The following NXPH1 variants were observed in gnomAD, a reference collection of about 807,000 sequenced individuals.
NXPH1 encodes neurexophilin 1, also known as neurexophilin-1.
Under a neutral mutation model 23.7 loss-of-function variants are expected in NXPH1, and 5 were observed. That is an observed-to-expected ratio of 0.21 (90% CI 0.11 to 0.44). NXPH1 has a LOEUF of 0.44. Among genes scored for constraint, NXPH1 ranks in the 20% least tolerant of loss-of-function variants. NXPH1 has a pLI of 0.99. For missense variants in NXPH1, 324 were observed against 321.6 expected (o/e 1.01, Z -0.06); for synonymous variants, 144 against 122.2 (o/e 1.18, Z -1.18).
intron 2 of NXPH1, among the ~76,000 whole-genome samples, chr7:8,467,957 C>A (rs1048318242): frequency 6.6e-6 from 1 of 151,956 alleles, no homozygotes; most frequent in South Asian, 2.1e-4. Context: ...TGTAGGAATG[C>A]CTGTAATTTG....
intron 2 of NXPH1, among the ~76,000 whole-genome samples, chr7:8,628,330 T>C (rs909527007): frequency 7.3e-5 from 11 of 151,440 alleles, no homozygotes; most frequent in African/African-American, 2.7e-4. Flanking sequence ...TCTTTCTGAT[T>C]CAGCCAAGTA....
intron 2 of NXPH1, among the ~76,000 whole-genome samples, chr7:8,570,524 A>G (rs1329529941): frequency 1.3e-5 from 2 of 152,032 alleles, no homozygotes; most frequent in East Asian, 3.9e-4. Flanking sequence ...GTAGAAAGTG[A>G]TGTGCGAAGG....
At chr7:8,699,898 A>C (rs1229647298) in intron 2 of NXPH1, among the ~76,000 whole-genome samples, 1 of 152,144 alleles carries the variant, frequency 6.6e-6, no homozygotes, top group Non-Finnish European at 1.5e-5. Flanking sequence ...AGATCCACTT[A>C]CTATGTGGAA....
intron 2 of NXPH1, among the ~76,000 whole-genome samples, chr7:8,715,581 G>T (rs192058047): frequency 6.6e-6 from 1 of 152,194 alleles, no homozygotes; most frequent in East Asian, 1.9e-4. Flanking sequence ...GCTATAATCA[G>T]TTATAAAAAG....
chr7:8,695,596 T>C (rs970168853), intron 2 of NXPH1, among the ~76,000 whole-genome samples: 5 of 152,214 alleles, frequency 3.3e-5, no homozygotes, highest in Non-Finnish European at 7.3e-5. Flanking sequence ...TAAGTAGATA[T>C]GAACCATTTC....
chr7:8,465,345 C>G (rs963712207), intron 2 of NXPH1, among the ~76,000 whole-genome samples: 1 of 152,164 alleles, frequency 6.6e-6, no homozygotes, highest in Non-Finnish European at 1.5e-5. Context: ...TCTACTCGCT[C>G]CTCTATGCTC....
chr7:8,528,732 TTA>T (rs1385412660), intron 2 of NXPH1, among the ~76,000 whole-genome samples: 8 of 152,168 alleles, frequency 5.3e-5, no homozygotes, highest in Admixed American at 5.2e-4. Context: ...ATTTTAAGTT[TTA>T]TATTAAAGTT....
At chr7:8,749,925 G>T (rs1360805420) in intron 2 of NXPH1, among the ~76,000 whole-genome samples, 1 of 152,080 alleles carries the variant, frequency 6.6e-6, no homozygotes, top group Non-Finnish European at 1.5e-5. Context: ...GTGGCCACTG[G>T]TTCTTCTGTA....
At chr7:8,715,268 G>T (rs183904714) in intron 2 of NXPH1, among the ~76,000 whole-genome samples, 8 of 152,200 alleles carry the variant, frequency 5.3e-5, no homozygotes, top group African/African-American at 1.9e-4. Context: ...AGGTGCCCAG[G>T]TTCTCTCTCC....
At chr7:8,701,274 T>C (rs1009528352) in intron 2 of NXPH1, among the ~76,000 whole-genome samples, 28 of 152,064 alleles carry the variant, frequency 1.8e-4, no homozygotes, top group Non-Finnish European at 3.4e-4. Context: ...AATTAGATCA[T>C]TTTTCTCCCA....
intron 2 of NXPH1, among the ~76,000 whole-genome samples, chr7:8,705,777 T>C (rs1471007113): frequency 6.6e-6 from 1 of 152,132 alleles, no homozygotes; most frequent in Non-Finnish European, 1.5e-5. Context: ...AGATCATCAG[T>C]GTATCTTTAA....
intron 2 of NXPH1, among the ~76,000 whole-genome samples, chr7:8,747,825 TGTTA>T (rs369276411): frequency 4.6e-5 from 7 of 152,240 alleles, no homozygotes; most frequent in African/African-American, 1.7e-4. Flanking sequence ...TACTGATTAA[TGTTA>T]GTTTTAAATT....
chr7:8,672,232 A>C (rs1210677023), intron 2 of NXPH1, among the ~76,000 whole-genome samples: 2 of 152,162 alleles, frequency 1.3e-5, no homozygotes, highest in African/African-American at 4.8e-5. Flanking sequence ...CAAGGACAAA[A>C]AACCAAACAC....
chr7:8,557,143 C>T (rs1185302296), intron 2 of NXPH1, among the ~76,000 whole-genome samples: 1 of 151,770 alleles, frequency 6.6e-6, no homozygotes, highest in East Asian at 2.0e-4. Flanking sequence ...GGTTTAGAAC[C>T]TGTGTTTGGG....
At chr7:8,651,009 A>G (rs1342855270) in intron 2 of NXPH1, among the ~76,000 whole-genome samples, 1 of 151,446 alleles carries the variant, frequency 6.6e-6, no homozygotes, top group Non-Finnish European at 1.5e-5. Context: ...TTTAGGGTAC[A>G]TGTGCACAAT....
chr7:8,604,948 C>A (rs1215881747), intron 2 of NXPH1, among the ~76,000 whole-genome samples: 1 of 152,060 alleles, frequency 6.6e-6, no homozygotes, highest in African/African-American at 2.4e-5. Context: ...TAGTAACATG[C>A]TTGCCATTTT....
chr7:8,612,048 A>AACTG (rs1449441398), intron 2 of NXPH1, among the ~76,000 whole-genome samples: 2 of 152,114 alleles, frequency 1.3e-5, no homozygotes, highest in Non-Finnish European at 2.9e-5. Flanking sequence ...GAATATCAAG[A>AACTG]ACTGACTCTT....
intron 2 of NXPH1, among the ~76,000 whole-genome samples, chr7:8,726,526 C>T (rs1278625454): frequency 1.4e-3 from 200 of 142,344 alleles, no homozygotes; most frequent in Non-Finnish European, 2.4e-3. Flanking sequence ...TGATGTTCCC[C>T]TTCCTGTGTC....
chr7:8,457,564 TA>T (rs1281077133), intron 2 of NXPH1, among the ~76,000 whole-genome samples: 3 of 150,460 alleles, frequency 2.0e-5, no homozygotes, highest in South Asian at 2.1e-4. Flanking sequence ...TTAATTTTAT[TA>T]AAAAAAAACT....
Sources: gnomAD v4.1 joint callset for allele counts (sites outside exome capture counted in the v4.1 genomes callset) on GRCh38, gnomAD v4.1.1 for gene constraint, MANE v1.5 for transcripts, NCBI Gene and HGNC (gene_info 2026-07-23, HGNC 2026-07-21) for gene names.